Variants in PHKB observed in about 807,000 individuals in gnomAD.
PHKB encodes the protein phosphorylase b kinase regulatory subunit beta.
In PHKB, 122 loss-of-function variants were observed where a neutral mutation model predicts 152.1. That is an observed-to-expected ratio of 0.80 (90% CI 0.69 to 0.93). The LOEUF (loss-of-function observed/expected upper bound fraction) is 0.93, where lower values mean the gene tolerates loss of function less well. Among genes scored for constraint, PHKB ranks in the 40% least tolerant of loss-of-function variants. The probability of loss-of-function intolerance (pLI) is 0.00; values close to 1 mark genes in which losing one functional copy is unlikely to be tolerated. For synonymous variants in PHKB, 436 were observed against 464.9 expected (o/e 0.94, Z 0.80); for missense variants, 1,304 against 1,328.4 (o/e 0.98, Z 0.29).
chr16:47,658,645 A>G lies in PHKB; in HGVS notation c.1972-1861A>G, dbSNP rs34214869. ...TACAGTTGCCTACAGTATTCAGTAC[A>G]TGTTTGTAGCCTAAGAGCAATAGGC... is the stretch of plus-strand genomic sequence containing the variant. On this transcript the variant is annotated intron_variant, in intron 20 of 30. Transcript: ENST00000323584. Among the ~76,000 whole-genome samples, 1,077 of 152,272 alleles carry G rather than the reference A, an allele frequency of 7.1e-3. 7 individuals carry two copies. Among genetic ancestry groups the G allele is most frequent in the Non-Finnish European group, 0.013 (873 of 68,024 alleles).
chr16:47,646,602 A>T (rs967887018), intron 16 of PHKB, among the ~76,000 whole-genome samples: 3 of 150,840 alleles, frequency 2.0e-5, no homozygotes, highest in Non-Finnish European at 4.4e-5. Context: ...GTTACAGAAC[A>T]TACAAAGAGT....
intron 14 of PHKB, among the ~76,000 whole-genome samples, chr16:47,613,863 C>T (rs1374857635): frequency 1.3e-5 from 2 of 152,038 alleles, no homozygotes; most frequent in African/African-American, 4.8e-5. Flanking sequence ...TGAACTGTAC[C>T]TAACCTTTTG....
At chr16:47,646,556 A>C in intron 16 of PHKB, among the ~76,000 whole-genome samples, 1 of 145,034 alleles carries the variant, frequency 6.9e-6, no homozygotes, top group South Asian at 2.1e-4. Flanking sequence ...ATTAAAAATA[A>C]AAAATAAAAA....
chr16:47,626,721 T>C (rs992225426), intron 14 of PHKB, among the ~76,000 whole-genome samples: 2 of 152,192 alleles, frequency 1.3e-5, no homozygotes, highest in African/African-American at 4.8e-5. Flanking sequence ...GGCCTCAGTC[T>C]TCTCATCCAT....
intron 15 of PHKB, among the ~76,000 whole-genome samples, 185 bp from the exon 16 acceptor site, chr16:47,641,414 A>G (rs1973019638): frequency 6.6e-6 from 1 of 152,184 alleles, no homozygotes; most frequent in Non-Finnish European, 1.5e-5. Flanking sequence ...TAATGTTTCC[A>G]TGTGATGCTT....
chr16:47,589,135 C>T, intron 10 of PHKB, 33 bp downstream of exon 10: 1 of 1,492,136 alleles, frequency 6.7e-7, no homozygotes, highest in Non-Finnish European at 9.3e-7. Flanking sequence ...AATCGCATAT[C>T]AGAGCAATCA....
At position 47,693,483 on chromosome 16, in the gene PHKB, T is replaced by C. The variant is rs1974098150; in HGVS notation, c.2871T>C (p.Ile957=). 1 of 1,614,078 alleles carries C rather than the reference T, an allele frequency of 6.2e-7. No homozygotes were observed. The highest frequency in any genetic ancestry group is 1.3e-5 in the African/African-American group (1 of 75,030). The change falls in exon 28 of 31, where the codon ATT becomes ATC. Residue 957 remains isoleucine, a synonymous_variant. Transcript: ENST00000323584. ...TGGAGCGCACGCCCAATGGGATCAT[T>C]GTTGCTGGGAAGCATTTGCCTCAGG... is the stretch of plus-strand genomic sequence containing the variant. The part of the protein sequence containing the change: ...QILERTPNGI[I]VAGKHLPQQP...
At chr16:47,609,281 A>T (rs936834071) in intron 13 of PHKB, among the ~76,000 whole-genome samples, 9 of 151,822 alleles carry the variant, frequency 5.9e-5, no homozygotes, top group Admixed American at 4.6e-4. Flanking sequence ...TCCCTTCTTT[A>T]TGTTACTGGA....
At position 47,696,392 on chromosome 16, in the gene PHKB, G is replaced by A. The variant is rs751653605; in HGVS notation, c.2907G>A (p.Leu969=). 11 of 1,596,974 alleles carry A rather than the reference G, an allele frequency of 6.9e-6. No homozygotes were observed. The highest frequency in any genetic ancestry group is 6.9e-6 in the Non-Finnish European group (8 of 1,164,508). ...AGKHLPQQPT[L]SDMTMYEMNF... ...GTTATTTTTTTCAGCAACCAACCCT[G>A]TCAGATATGACCATGTATGAGATGA... is the stretch of plus-strand genomic sequence containing the variant. Residue 969 remains leucine, a synonymous_variant, in exon 29 of 31, where the codon CTG becomes CTA. Transcript: ENST00000323584.
intron 30 of PHKB, 114 bp from the exon 31 acceptor site, chr16:47,699,115 C>A: frequency 1.0e-6 from 1 of 965,362 alleles, no homozygotes; most frequent in Non-Finnish European, 1.7e-6. Context: ...CTCATATTTT[C>A]CATAAGGAAA....
At chr16:47,568,962 G>A (rs995782031) in intron 7 of PHKB, among the ~76,000 whole-genome samples, 1 of 152,168 alleles carries the variant, frequency 6.6e-6, no homozygotes, top group Non-Finnish European at 1.5e-5. Flanking sequence ...CTTGGAAAAT[G>A]TTCCATGTGC....
At chr16:47,635,717 G>A (rs146075988) in intron 14 of PHKB, among the ~76,000 whole-genome samples, 2 of 152,332 alleles carry the variant, frequency 1.3e-5, no homozygotes, top group East Asian at 3.9e-4. Flanking sequence ...TGAGAGGCAG[G>A]ATAAGTGAGT....
chr16:47,546,559 G>T (rs1438403728), intron 6 of PHKB, among the ~76,000 whole-genome samples: 1 of 152,178 alleles, frequency 6.6e-6, no homozygotes, highest in Non-Finnish European at 1.5e-5. Context: ...GCTACATGGG[G>T]GTCAGGGACC....
At chr16:47,499,024 T>G (rs1298303563) in intron 2 of PHKB, among the ~76,000 whole-genome samples, 1 of 152,204 alleles carries the variant, frequency 6.6e-6, no homozygotes, top group Non-Finnish European at 1.5e-5. Flanking sequence ...AATTTTAGTG[T>G]TTGTGTTTTC....
intron 1 of PHKB, 109 bp downstream of exon 1, chr16:47,461,535 G>A (rs992132709): frequency 4.3e-5 from 47 of 1,103,716 alleles, no homozygotes; most frequent in Non-Finnish European, 6.4e-5. Context: ...CCTGTGCCCC[G>A]AGTTCCTCCT....
rs189790670 is a variant in PHKB at position 47,609,883 on chromosome 16, C to T, written c.1364-943C>T. Among the ~76,000 whole-genome samples the T allele has an allele frequency of 2.2e-3, 328 of 152,148 alleles. 3 individuals are homozygous for T. In the Middle Eastern group the frequency reaches 0.031, roughly 14 times the overall value. ...GAAACTACTTTTGATTTTCTTGATT[C>T]TGTATTGTTTTTCTATACTGTTTCA... On this transcript the variant is annotated intron_variant, in intron 13 of 30. Transcript: ENST00000323584.
chr16:47,698,544 G>A lies in PHKB; in HGVS notation c.3100G>A (p.Glu1034Lys), dbSNP rs773001290. 5.2e-6 allele frequency: 8 copies of A among 1,527,990 alleles called. No individual in the cohort carries two copies. In the East Asian group the frequency reaches 2.1e-4, roughly 40 times the overall value. 94.7% of individuals were successfully genotyped at this position (1,527,990 alleles called of 1,614,324 possible). Reference sequence around the variant, plus strand: ...CAGACTGGTCAAAGAAGCATTTAATGAATTTCAAAAAGATCAGAGTCGGCT... The same window carrying A: ...CAGACTGGTCAAAGAAGCATTTAATAAATTTCAAAAAGATCAGAGTCGGCT... ...LDRLVKEAFNEFQKDQSRLKE... is the reference protein window; with the variant it reads ...LDRLVKEAFNKFQKDQSRLKE... Residue 1034 changes from glutamate to lysine, a missense_variant, in exon 30 of 31, where the codon GAA becomes AAA. Transcript: ENST00000323584.
intron 26 of PHKB, among the ~76,000 whole-genome samples, chr16:47,684,493 G>A (rs144069020): frequency 2.6e-4 from 40 of 152,212 alleles, no homozygotes; most frequent in Middle Eastern, 3.4e-3. Context: ...TAAGCCGGGC[G>A]CGGTGGCTCA....
intron 14 of PHKB, among the ~76,000 whole-genome samples, chr16:47,616,742 AG>A (rs1395833091): frequency 1.3e-5 from 2 of 151,290 alleles, no homozygotes; most frequent in African/African-American, 4.9e-5. Flanking sequence ...GCGGTGCTAG[AG>A]GAATTAAAGA....
Sources: gnomAD v4.1 joint callset for allele counts (sites outside exome capture counted in the v4.1 genomes callset) on GRCh38, gnomAD v4.1.1 for gene constraint, MANE v1.5 for transcripts, NCBI Gene and HGNC (gene_info 2026-07-23, HGNC 2026-07-21) for gene names.